PAIP1: variants seen among roughly 807,000 people sequenced by gnomAD.
PAIP1 encodes the protein polyadenylate-binding protein-interacting protein 1.
Under a neutral mutation model 61.3 loss-of-function variants are expected in PAIP1, and 16 were observed. That is an observed-to-expected ratio of 0.26 (90% CI 0.18 to 0.40). The LOEUF (loss-of-function observed/expected upper bound fraction) is 0.40. Ranked by LOEUF, PAIP1 falls within the 10% of genes least tolerant of loss-of-function variation. The pLI is 1.00. For synonymous variants in PAIP1, 187 were observed against 226.2 expected (o/e 0.83, Z 1.56); for missense variants, 416 against 600.9 (o/e 0.69, Z 3.22).
Position 43,534,892 on chromosome 5 carries a change from A to C in PAIP1, c.1158T>G (p.Tyr386Ter), listed in dbSNP as rs571425260. Residue 386 changes from tyrosine (Y) to a stop codon, truncating the protein, a stop_gained, in exon 8 of 11, where the codon TAT becomes TAG. Transcript: ENST00000306846. LOFTEE classifies it high-confidence loss of function. ...GATCATTTTCTGGTGTTGCTTCTCT[A>C]TATGTTGAAGTTGCATGGACTCTGC... Reference protein sequence around the residue: ...NWGRVHATSTYREATPENDPN... With the variant: ...NWGRVHATST 1 of 1,601,332 alleles carries C rather than the reference A, an allele frequency of 6.2e-7. No homozygotes were observed. Among genetic ancestry groups the C allele is most frequent in the African/African-American group, 1.3e-5 (1 of 74,696 alleles).
chr5:43,555,770 G>C, intron 2 of PAIP1, 60 bp downstream of exon 2: 1 of 1,418,940 alleles, frequency 7.0e-7, no homozygotes, highest in Non-Finnish European at 9.6e-7. Flanking sequence ...GATTAACAAA[G>C]TAACAACCAC....
chr5:43,534,142 A>G (rs1286360644), intron 8 of PAIP1, among the ~76,000 whole-genome samples: 1 of 151,990 alleles, frequency 6.6e-6, no homozygotes, highest in Non-Finnish European at 1.5e-5. Flanking sequence ...ACATTTCTCC[A>G]CAGCTGCTTT....
Position 43,529,260 on chromosome 5 carries a change from T to A in PAIP1, c.1346+526A>T, listed in dbSNP as rs182821164. Among the ~76,000 whole-genome samples the A allele has an allele frequency of 2.1e-4, 32 of 152,280 alleles. 1 individual carries two copies. Among genetic ancestry groups the A allele is most frequent in the Middle Eastern group, 6.8e-3 (2 of 294 alleles). On this transcript the variant is annotated intron_variant, in intron 10 of 10. Coordinates refer to ENST00000306846, the MANE Select transcript of PAIP1 (RefSeq NM_006451.5). ...AGTCTAAATACAATAGAATCTATTT[T>A]AAAAAAATAATTATGCTTAAGTATA...
chr5:43,529,737 T>C (rs1746863317), intron 10 of PAIP1, 49 bp downstream of exon 10: 2 of 969,750 alleles, frequency 2.1e-6, no homozygotes, highest in Admixed American at 3.4e-5. Context: ...TCTCCACCTA[T>C]AAATTAGACA....
In PAIP1 at chr5:43,539,030, C is replaced by T. The variant is rs199828948; in HGVS notation, c.740G>A (p.Arg247Gln). The T allele has an allele frequency of 3.7e-5, 59 of 1,579,282 alleles. No homozygotes were observed. The highest frequency in any genetic ancestry group is 1.7e-4 in the Middle Eastern group (1 of 5,928). The change falls in exon 5 of 11, where the codon CGG (arginine) becomes CAG (glutamine). Residue 247 changes from arginine (R) to glutamine (Q), a missense_variant. This residue lies in a region of PAIP1 where 135 missense variants were observed against 283.9 expected (regional missense o/e 0.48). Coordinates refer to ENST00000306846, the MANE Select transcript of PAIP1 (RefSeq NM_006451.5). Reference protein sequence around the residue: ...NFRQLLLQRCRTEYEVKDQAA... With the variant: ...NFRQLLLQRCQTEYEVKDQAA... ...TTGATCTTTAACTTCATATTCAGTC[C>T]GACATCTAATTAAAGACATATCTTT...
rs116695782 is a variant in PAIP1, at chr5:43,551,732, G to A, written c.436-3819C>T. ...TCGTGGCAAAAATGCTGCTTAGAGC[G>A]CTGATTTGCAATCTTTTTTTTTTTT... is the stretch of plus-strand genomic sequence containing the variant. On this transcript the variant is annotated intron_variant, in intron 2 of 10. Transcript: ENST00000306846. Among the ~76,000 whole-genome samples the A allele has an allele frequency of 7.7e-3, 1,102 of 143,956 alleles. 12 individuals carry two copies. The highest frequency in any genetic ancestry group is 0.028 in the African/African-American group (1,055 of 37,064). The allele number at this position is 143,956 out of a possible 152,430, so 94.4% of individuals were successfully genotyped here.
chr5:43,526,935 C>G lies in PAIP1; in HGVS notation c.*441G>C, dbSNP rs1746733439. The G allele has an allele frequency of 1.3e-5, 2 of 151,446 alleles. No homozygotes were observed. Among genetic ancestry groups the G allele is most frequent in the South Asian group, 4.2e-4 (2 of 4,782 alleles). The allele number at this position is 151,446 out of a possible 1,614,324, so 9.4% of individuals were successfully genotyped here. ...AAGATTATGATTCATATTTGAAATT[C>G]AATTCATTGGGACACTAAATGTCAA... is the stretch of plus-strand genomic sequence containing the variant. On this transcript the variant is annotated 3_prime_UTR_variant, in exon 11 of 11. Coordinates refer to ENST00000306846, the MANE Select transcript of PAIP1 (RefSeq NM_006451.5).
intron 2 of PAIP1, among the ~76,000 whole-genome samples, chr5:43,548,726 T>C (rs1747740789): frequency 6.6e-6 from 1 of 152,140 alleles, no homozygotes; most frequent in African/African-American, 2.4e-5. Context: ...CGCTTTAAAG[T>C]TTACCAAACA....
chr5:43,541,407 C>T (rs1747405247), intron 4 of PAIP1, among the ~76,000 whole-genome samples: 1 of 146,970 alleles, frequency 6.8e-6, no homozygotes, highest in Non-Finnish European at 1.5e-5. Flanking sequence ...CCACCTCAGC[C>T]TCCCAAAGTA....
intron 5 of PAIP1, among the ~76,000 whole-genome samples, chr5:43,537,698 T>TA (rs1051722438): frequency 6.6e-6 from 1 of 151,996 alleles, no homozygotes; most frequent in Non-Finnish European, 1.5e-5. Context: ...TTCACTAATT[T>TA]AAAAAATCAA....
At chr5:43,546,462 T>C (rs966428466) in intron 3 of PAIP1, among the ~76,000 whole-genome samples, 1 of 152,210 alleles carries the variant, frequency 6.6e-6, no homozygotes, top group Non-Finnish European at 1.5e-5. Flanking sequence ...ACATCTCAGG[T>C]ACTTCCTCAA....
rs1490731269 is a variant in PAIP1, at chr5:43,526,707, TAGTC to T, written c.*665_*668del. On this transcript the variant is annotated 3_prime_UTR_variant, in exon 11 of 11. Coordinates refer to ENST00000306846, the MANE Select transcript of PAIP1 (RefSeq NM_006451.5). ...GTTCTAGCCTTTAAGGTAATGAAGT[TAGTC>T]AGTTGAAAAAATAAAAATAAAAAAG... The T allele has an allele frequency of 6.8e-6, 1 of 146,164 alleles. No individual in the cohort carries two copies. Among genetic ancestry groups the T allele is most frequent in the East Asian group, 2.0e-4 (1 of 5,072 alleles). The allele number at this position is 146,164 out of a possible 1,614,324, so 9.1% of individuals were successfully genotyped here.
At chr5:43,533,623 A>G (rs1206475075) in intron 9 of PAIP1, 115 bp downstream of exon 9, 2 of 747,724 alleles carry the variant, frequency 2.7e-6, no homozygotes, top group African/African-American at 3.5e-5. Flanking sequence ...GGTATTTTAG[A>G]ATGATGTGAA....
chr5:43,555,756 C>T (rs1203720002), intron 2 of PAIP1, 74 bp downstream of exon 2: 2 of 1,315,278 alleles, frequency 1.5e-6, no homozygotes, highest in Non-Finnish European at 2.1e-6. Flanking sequence ...CACAAACATA[C>T]TCTGATTAAC....
intron 10 of PAIP1, among the ~76,000 whole-genome samples, chr5:43,528,830 C>A (rs1746812810): frequency 6.6e-6 from 1 of 152,072 alleles, no homozygotes; most frequent in Non-Finnish European, 1.5e-5. Context: ...CAAATATACA[C>A]AAGTTGTTAA....
Position 43,534,539 on chromosome 5 carries a change from G to A in PAIP1, c.1197+314C>T, listed in dbSNP as rs1579909150. On this transcript the variant is annotated intron_variant, in intron 8 of 10. Transcript: ENST00000306846. ...ATTTTTCGTTACTACAACATGCAAAGTAAAAGTCTGAGATGCAGGTCCTTG... is the reference window on the plus strand; with the variant it reads ...ATTTTTCGTTACTACAACATGCAAAATAAAAGTCTGAGATGCAGGTCCTTG... Among the ~76,000 whole-genome samples the A allele has an allele frequency of 2.6e-5, 4 of 152,218 alleles. No homozygotes were observed. In the East Asian group the frequency reaches 7.7e-4, roughly 29 times the overall value.
chr5:43,556,688 G>A lies in PAIP1; in HGVS notation c.159C>T (p.Phe53=), dbSNP rs921963831. 1 of 1,294,104 alleles carries A rather than the reference G, an allele frequency of 7.7e-7. No homozygotes were observed. Among genetic ancestry groups the A allele is most frequent in the Non-Finnish European group, 9.8e-7 (1 of 1,023,616 alleles). The allele number at this position is 1,294,104 out of a possible 1,614,324, so 80.2% of individuals were successfully genotyped here. The change falls in exon 1 of 11, where the codon TTC becomes TTT. Residue 53 remains phenylalanine, a synonymous_variant. Transcript: ENST00000306846. Reference sequence around the variant, plus strand: ...GCTGGCGCAGCGGCGGTGGCTGCAGGAAGCCCGGGGCTTTGGGTTGCGGCG... The same window carrying A: ...GCTGGCGCAGCGGCGGTGGCTGCAGAAAGCCCGGGGCTTTGGGTTGCGGCG... The part of the protein sequence containing the change: ...HQPPQPKAPG[F]LQPPPLRQPR...
At position 43,534,520 on chromosome 5, in the gene PAIP1, C is replaced by T. The variant is rs994368522; in HGVS notation, c.1197+333G>A. 1.8e-4 allele frequency among the ~76,000 whole-genome samples: 28 copies of T among 152,254 alleles called. 1 individual carries two copies. Among genetic ancestry groups the T allele is most frequent in the Middle Eastern group, 3.4e-3 (1 of 294 alleles). ...AGCCAACCAATTTTATTTTATTTTT[C>T]GTTACTACAACATGCAAAGTAAAAG... is the stretch of plus-strand genomic sequence containing the variant. On this transcript the variant is annotated intron_variant, in intron 8 of 10. Coordinates refer to ENST00000306846, the MANE Select transcript of PAIP1 (RefSeq NM_006451.5).
intron 6 of PAIP1, among the ~76,000 whole-genome samples, chr5:43,536,254 C>A (rs6874647): frequency 6.6e-6 from 1 of 152,176 alleles, no homozygotes; most frequent in Non-Finnish European, 1.5e-5. Flanking sequence ...TATGCTCGTC[C>A]ACCCACCAAA....
Sources: gnomAD v4.1 joint callset for allele counts (sites outside exome capture counted in the v4.1 genomes callset) on GRCh38, gnomAD v4.1.1 for gene constraint, gnomAD v4.1.1 regional missense constraint, MANE v1.5 for transcripts, NCBI Gene and HGNC (gene_info 2026-07-23, HGNC 2026-07-21) for gene names.